The following BABAM2 variants were observed in gnomAD, a reference collection of about 807,000 sequenced individuals.
The protein encoded by BABAM2 is BRISC and BRCA1 A complex member 2, also known as BRISC and BRCA1-A complex member 2.
A neutral mutation model predicts 54.7 loss-of-function variants in BABAM2; 31 were observed. The observed-to-expected ratio is 0.57, with a 90% CI of 0.43 to 0.77. The LOEUF is 0.77. BABAM2 is among the 30% of genes least tolerant of loss of function. The pLI, the probability that BABAM2 is intolerant of heterozygous loss-of-function variation, is 0.00. For synonymous variants in BABAM2, 167 were observed against 162.9 expected, an observed-to-expected ratio of 1.03 and a Z score of -0.19; for missense variants, 364 against 455.8, an observed-to-expected ratio of 0.80 and a Z score of 1.83.
chr2:28,057,777 C>T (rs1299943584), intron 6 of BABAM2, among the ~76,000 whole-genome samples: 3 of 152,050 alleles, frequency 2.0e-5, no homozygotes, highest in Admixed American at 1.3e-4. Context: ...GAGGATTACA[C>T]CTGGCTGGGA....
At chr2:28,029,969 G>A (rs1398491672) in intron 5 of BABAM2, among the ~76,000 whole-genome samples, 1 of 152,172 alleles carries the variant, frequency 6.6e-6, no homozygotes, top group Non-Finnish European at 1.5e-5. Flanking sequence ...ATAAATGGGT[G>A]TTAGGTTAAT....
In BABAM2 at chr2:28,241,359, G is replaced by T; in HGVS notation, c.817G>T (p.Glu273Ter). 2 of 1,614,150 alleles carry T rather than the reference G, an allele frequency of 1.2e-6. No homozygotes were observed. The highest frequency in any genetic ancestry group is 1.7e-6 in the Non-Finnish European group (2 of 1,180,006). The stretch of plus-strand genomic sequence containing the variant: ...GATTCAAGGGTATCACAAAAGAAGA[G>T]AGTATATTGCTGCTTTTCTCAGTCA... Reference protein sequence around the residue: ...YVIQGYHKRREYIAAFLSHFG... With the variant: ...YVIQGYHKRR Residue 273 changes from glutamate (E) to a stop codon, truncating the protein, a stop_gained, in exon 9 of 12, where the codon GAG (glutamate) becomes TAG (stop). Transcript: ENST00000379624. LOFTEE classifies it high-confidence loss of function.
chr2:27,909,545 T>G (rs1407988785), intron 2 of BABAM2, among the ~76,000 whole-genome samples: 1 of 152,222 alleles, frequency 6.6e-6, no homozygotes, highest in East Asian at 1.9e-4. Flanking sequence ...TGTCTTTTAA[T>G]GCGCAAAAGT....
At chr2:28,107,312 CT>C (rs1558341555) in intron 6 of BABAM2, among the ~76,000 whole-genome samples, 1 of 152,216 alleles carries the variant, frequency 6.6e-6, no homozygotes, top group African/African-American at 2.4e-5. Flanking sequence ...TCGTAGAATA[CT>C]GTAAAACAGT....
At chr2:28,207,953 A>G (rs1432865914) in intron 7 of BABAM2, among the ~76,000 whole-genome samples, 4 of 152,108 alleles carry the variant, frequency 2.6e-5, no homozygotes, top group African/African-American at 7.2e-5. Context: ...AAGAGAGAGA[A>G]TACATACATA....
intron 7 of BABAM2, among the ~76,000 whole-genome samples, chr2:28,148,225 C>G (rs1671686589): frequency 6.6e-6 from 1 of 152,280 alleles, no homozygotes; most frequent in East Asian, 1.9e-4. Context: ...TTTGGCTCTC[C>G]CACTCCCTGG....
intron 6 of BABAM2, among the ~76,000 whole-genome samples, chr2:28,103,142 TAA>T (rs879352992): frequency 2.9e-5 from 4 of 139,794 alleles, no homozygotes; most frequent in Non-Finnish European, 1.6e-5. Flanking sequence ...ACTTATTGAG[TAA>T]AAAAAAAAAA....
intron 7 of BABAM2, among the ~76,000 whole-genome samples, chr2:28,132,180 C>A (rs1670141125): frequency 6.6e-6 from 1 of 150,956 alleles, no homozygotes; most frequent in Non-Finnish European, 1.5e-5. Context: ...GTTCCGTCCC[C>A]CAGGCTGGAG....
intron 6 of BABAM2, among the ~76,000 whole-genome samples, chr2:28,052,937 AT>A (rs1678109621): frequency 6.6e-6 from 1 of 152,104 alleles, no homozygotes; most frequent in Non-Finnish European, 1.5e-5. Flanking sequence ...CGTTACTGGA[AT>A]TTTTTTGTGG....
At chr2:28,090,420 T>C (rs1437736758) in intron 6 of BABAM2, among the ~76,000 whole-genome samples, 1 of 152,038 alleles carries the variant, frequency 6.6e-6, no homozygotes, top group Non-Finnish European at 1.5e-5. Flanking sequence ...AAGTTTTGTA[T>C]TTTTAGTAGA....
intron 3 of BABAM2, among the ~76,000 whole-genome samples, chr2:27,948,664 G>C (rs998671443): frequency 4.6e-5 from 7 of 152,142 alleles, no homozygotes; most frequent in African/African-American, 1.7e-4. Flanking sequence ...CCAGCTACTT[G>C]GGAGGCTGAG....
intron 7 of BABAM2, among the ~76,000 whole-genome samples, chr2:28,200,606 T>C (rs1388687300): frequency 6.6e-6 from 1 of 152,188 alleles, no homozygotes; most frequent in Non-Finnish European, 1.5e-5. Context: ...TTAAATAACT[T>C]TCTCTTGCTC....
intron 3 of BABAM2, 146 bp downstream of exon 3, chr2:27,930,054 C>A: frequency 2.9e-6 from 2 of 700,572 alleles, no homozygotes; most frequent in South Asian, 2.0e-5. Flanking sequence ...ATCTGCCATT[C>A]AATTCTAGTT....
chr2:28,254,356 C>T (rs892119625), intron 10 of BABAM2, among the ~76,000 whole-genome samples: 1 of 152,052 alleles, frequency 6.6e-6, no homozygotes, highest in Non-Finnish European at 1.5e-5. Context: ...AGGCTGGTCT[C>T]GAACTCCTGA....
At chr2:28,195,085 C>G (rs554782280) in intron 7 of BABAM2, among the ~76,000 whole-genome samples, 6 of 152,264 alleles carry the variant, frequency 3.9e-5, no homozygotes, top group African/African-American at 1.4e-4. Flanking sequence ...AGAGGAACCT[C>G]TCTGAGCTTA....
chr2:27,986,544 G>A (rs1264187844), intron 3 of BABAM2, among the ~76,000 whole-genome samples: 1 of 152,070 alleles, frequency 6.6e-6, no homozygotes, highest in Non-Finnish European at 1.5e-5. Flanking sequence ...AGTATACAGG[G>A]TGTATGAAAG....
chr2:28,016,466 T>C (rs1489530018), intron 4 of BABAM2: 4 of 1,239,506 alleles, frequency 3.2e-6, no homozygotes, highest in African/African-American at 3.0e-5. Flanking sequence ...GGCTACCCAT[T>C]TGTCCCACTT....
intron 7 of BABAM2, among the ~76,000 whole-genome samples, chr2:28,219,484 G>A (rs375332711): frequency 1.3e-5 from 2 of 152,164 alleles, no homozygotes; most frequent in East Asian, 3.9e-4. Flanking sequence ...CTCATGTCGG[G>A]GTCCTTAACC....
At chr2:28,002,874 T>C (rs959577085) in intron 4 of BABAM2, among the ~76,000 whole-genome samples, 1 of 152,182 alleles carries the variant, frequency 6.6e-6, no homozygotes, top group African/African-American at 2.4e-5. Context: ...ACTTCATCAT[T>C]AGCAAACCTT....
Sources: allele counts gnomAD v4.1 joint callset (sites outside exome capture counted in the v4.1 genomes callset), GRCh38; gene constraint gnomAD v4.1.1; transcripts MANE v1.5; gene names NCBI Gene and HGNC (gene_info 2026-07-23, HGNC 2026-07-21).